Variants in NBPF20 observed in about 807,000 individuals in gnomAD.
NBPF20 encodes the protein NBPF family member NBPF20.
Under a neutral mutation model 68.1 loss-of-function variants are expected in NBPF20, and 90 were observed. That is an observed-to-expected ratio of 1.32 (90% confidence interval 1.11 to 1.58). The LOEUF is 1.58. Ranked by LOEUF, NBPF20 falls within the 40% of genes most tolerant of loss-of-function variation. NBPF20 has a pLI of 0.00. For missense variants in NBPF20, 816 were observed against 601.2 expected, an observed-to-expected ratio of 1.36 and a Z score of -3.74; for synonymous variants, 290 against 228.1, an observed-to-expected ratio of 1.27 and a Z score of -2.45.
At position 145,292,604 on chromosome 1, in the gene NBPF20, A is replaced by T. The variant is rs587671428; in HGVS notation, c.16589-115T>A. 55 of 747,404 alleles carry T rather than the reference A, an allele frequency of 7.4e-5. 2 individuals carry two copies. In the East Asian group the frequency reaches 8.3e-4, roughly 11 times the overall value. The allele number at this position is 747,404 out of a possible 1,614,324, so 46.3% of individuals were successfully genotyped here. On this transcript the variant is annotated intron_variant, in intron 136 of 137. Coordinates refer to ENST00000369373, the Ensembl canonical transcript of NBPF20. ...AGGCTCCCCAGCATAAGAATAGGAC[A>T]CTTTGAGAGATATATTTCAGGAGGC... is the stretch of plus-strand genomic sequence containing the variant.
chr1:145,424,488 G>A, the NBPF20 span, among the ~76,000 whole-genome samples: 2 of 152,192 alleles, frequency 1.3e-5, no homozygotes, highest in African/African-American at 4.8e-5. Context: ...ACTACCAGCA[G>A]ATCTTTTCTT....
chr1:145,411,443 G>A, the NBPF20 span, among the ~76,000 whole-genome samples: 14 of 112,780 alleles, frequency 1.2e-4, no homozygotes, highest in African/African-American at 4.5e-4. Flanking sequence ...CCAGGCTGGA[G>A]TGCAGTGATG....
chr1:145,405,495 G>C lies in NBPF20; in HGVS notation c.-121C>G. The C allele has an allele frequency of 6.6e-7, 1 of 1,508,184 alleles. No individual in the cohort carries two copies. Among genetic ancestry groups the C allele is most frequent in the Non-Finnish European group, 8.9e-7 (1 of 1,126,854 alleles). 93.4% of individuals were successfully genotyped at this position (1,508,184 alleles called of 1,614,324 possible). Reference sequence around the variant, plus strand: ...GTTCAAGGTGCCTCAACTCAGAGCTGAAAGCACTGCCAGTAGCTCAGACTC... The same window carrying C: ...GTTCAAGGTGCCTCAACTCAGAGCTCAAAGCACTGCCAGTAGCTCAGACTC... On this transcript the variant is annotated 5_prime_UTR_variant, in exon 1 of 138. An upstream open reading frame in the 5' UTR gains an earlier in-frame stop. Transcript: ENST00000369373.
chr1:145,405,253 G>C, exon 2 of NBPF20: 1 of 1,609,978 alleles, frequency 6.2e-7, no homozygotes. Context: ...GCTGGACCAA[G>C]GGCCGGCTGA....
intron 137 of NBPF20, 80 bp downstream of exon 142, chr1:145,292,301 C>G (rs1489838762): frequency 4.9e-6 from 3 of 617,444 alleles, no homozygotes; most frequent in Non-Finnish European, 8.6e-6. Flanking sequence ...AACATGACAT[C>G]AAACACACTC....
intron 8 of NBPF20, among the ~76,000 whole-genome samples, chr1:145,394,241 C>G (rs1662101206): frequency 6.6e-6 from 1 of 151,664 alleles, no homozygotes; most frequent in South Asian, 2.1e-4. Context: ...GTTCTAACAC[C>G]TCATAGGAGA....
At chr1:145,292,036 G>C (rs1553657943) in intron 137 of NBPF20, among the ~76,000 whole-genome samples, 1 of 149,684 alleles carries the variant, frequency 6.7e-6, no homozygotes, top group Non-Finnish European at 1.5e-5. Context: ...ATACTGGTAA[G>C]GGAGTCAAAG....
the NBPF20 span, among the ~76,000 whole-genome samples, chr1:145,425,597 G>T: frequency 2.0e-5 from 3 of 152,210 alleles, no homozygotes; most frequent in Non-Finnish European, 4.4e-5. Context: ...GTCTCGCCGG[G>T]CGCGTCAAGA....
intron 107 of NBPF20, among the ~76,000 whole-genome samples, 166 bp from the exon 113 acceptor site, chr1:145,315,764 G>A (rs1661532542): frequency 9.1e-5 from 1 of 11,034 alleles, no homozygotes; most frequent in African/African-American, 1.2e-3. Flanking sequence ...CCAGGGCCAG[G>A]TAGAAAAGAA....
chr1:145,424,613 C>A, the NBPF20 span, among the ~76,000 whole-genome samples: 3 of 152,194 alleles, frequency 2.0e-5, no homozygotes, highest in Non-Finnish European at 4.4e-5. Flanking sequence ...GCAGCTCTAG[C>A]AGCAAAAGAT....
chr1:145,292,625 G>A (rs587754196), intron 136 of NBPF20, 136 bp from the exon 142 acceptor site: 5 of 742,858 alleles, frequency 6.7e-6, no homozygotes, highest in Middle Eastern at 3.7e-4. Flanking sequence ...TATATTTCAG[G>A]AGGCCTGAAG....
At chr1:145,352,286 G>GACACACAC (rs1488318288) in intron 61 of NBPF20, among the ~76,000 whole-genome samples, 197 bp from the exon 67 acceptor site, 3 of 83,820 alleles carry the variant, frequency 3.6e-5, no homozygotes, top group Admixed American at 1.1e-4. Context: ...AAGACAGATA[G>GACACACAC]ACACACACAC....
upstream of NBPF20, among the ~76,000 whole-genome samples, chr1:145,409,831 G>A (rs1279712467): frequency 6.6e-6 from 1 of 151,674 alleles, no homozygotes; most frequent in Non-Finnish European, 1.5e-5. Context: ...ATATAGCTTA[G>A]AAGGTACATT....
intron 3 of NBPF20, among the ~76,000 whole-genome samples, chr1:145,402,843 G>C (rs1662589146): frequency 6.6e-6 from 1 of 150,894 alleles, no homozygotes; most frequent in Admixed American, 6.6e-5. Flanking sequence ...TTGAGTGAAA[G>C]AATGAGAAGC....
exon 138 of NBPF20, chr1:145,291,357 A>C (rs1571339211): frequency 2.1e-6 from 3 of 1,462,126 alleles, no homozygotes; most frequent in East Asian, 2.3e-5. Context: ...CATTGTCTTC[A>C]GACTGAGCAC....
At chr1:145,410,729 CCTGT>C in the NBPF20 span, among the ~76,000 whole-genome samples, 105 of 79,214 alleles carry the variant, frequency 1.3e-3, 1 homozygote, top group Middle Eastern at 0.028. Flanking sequence ...TGTGTGTGTG[CCTGT>C]CTGTGTATAT....
intron 2 of NBPF20, 133 bp downstream of exon 7, chr1:145,404,965 T>G (rs2101589696): frequency 8.0e-7 from 1 of 1,250,434 alleles, no homozygotes; most frequent in Non-Finnish European, 1.1e-6. Flanking sequence ...ACTAACAAAA[T>G]GTTAAAATAC....
intron 133 of NBPF20, 37 bp downstream of exon 138, chr1:145,295,530 A>T (rs1474143730): frequency 5.6e-6 from 1 of 179,108 alleles, no homozygotes; most frequent in African/African-American, 1.8e-4. Context: ...TCCAGGTGTC[A>T]ACACAGAATT....
chr1:145,392,597 G>A (rs1661963164), intron 10 of NBPF20, among the ~76,000 whole-genome samples: 1 of 13,578 alleles, frequency 7.4e-5, no homozygotes. Flanking sequence ...TTTGTCCCAA[G>A]TTTGTGCAAA....
Sources: gnomAD v4.1 joint callset for allele counts (sites outside exome capture counted in the v4.1 genomes callset) on GRCh38, gnomAD v4.1.1 for gene constraint, MANE v1.5 for transcripts, NCBI Gene and HGNC (gene_info 2026-07-23, HGNC 2026-07-21) for gene names.